The following PPP1R13B variants were observed in gnomAD, a reference collection of about 807,000 sequenced individuals.
PPP1R13B encodes the protein apoptosis-stimulating of p53 protein 1.
In PPP1R13B, 44 loss-of-function variants were observed where a neutral mutation model predicts 119.8. The ratio of observed to expected loss-of-function variants is 0.37; its 90% confidence interval spans 0.29 to 0.47. The LOEUF is 0.47. PPP1R13B is among the 20% of genes least tolerant of loss of function. The pLI is 0.99. For missense variants in PPP1R13B, 1,227 were observed against 1,413.5 expected, an observed-to-expected ratio of 0.87 and a Z score of 2.12; for synonymous variants, 542 against 561.5, an observed-to-expected ratio of 0.97 and a Z score of 0.49.
At chr14:103,829,327 T>C (rs1319413080) in intron 1 of PPP1R13B, among the ~76,000 whole-genome samples, 1 of 152,238 alleles carries the variant, frequency 6.6e-6, no homozygotes, top group East Asian at 1.9e-4. Flanking sequence ...TCTTCACCTG[T>C]GAAAACTTGC....
intron 1 of PPP1R13B, among the ~76,000 whole-genome samples, chr14:103,838,929 C>T (rs552567685): frequency 3.9e-5 from 6 of 152,340 alleles, no homozygotes; most frequent in African/African-American, 1.4e-4. Context: ...ACAGTAAAGT[C>T]ACCTAGGCAA....
In PPP1R13B at chr14:103,823,833, A is replaced by T. The variant is rs1381599184; in HGVS notation, c.9+23466T>A. 7.4e-5 allele frequency among the ~76,000 whole-genome samples: 9 copies of T among 122,414 alleles called. 1 individual carries two copies. Among genetic ancestry groups the T allele is most frequent in the Admixed American group, 7.0e-4 (9 of 12,890 alleles). The allele number at this position is 122,414 out of a possible 152,430, so 80.3% of individuals were successfully genotyped here. ...TTACAAATTAATATACATACACTTT[A>T]AAAAAAAAAGTCAACCAATAGAGGA... On this transcript the variant is annotated intron_variant, in intron 1 of 16. Transcript: ENST00000202556.
At chr14:103,831,373 G>A (rs1028301184) in intron 1 of PPP1R13B, among the ~76,000 whole-genome samples, 1 of 148,244 alleles carries the variant, frequency 6.7e-6, no homozygotes, top group South Asian at 2.1e-4. Flanking sequence ...GCAGTGGTGC[G>A]ATCTCAGCTC....
intron 1 of PPP1R13B, among the ~76,000 whole-genome samples, chr14:103,835,744 G>A (rs912829292): frequency 2.6e-5 from 4 of 151,846 alleles, no homozygotes; most frequent in Admixed American, 6.6e-5. Flanking sequence ...AAGTAGCTGG[G>A]ATTACAGGCG....
chr14:103,841,519 G>T (rs1050747681), intron 1 of PPP1R13B, among the ~76,000 whole-genome samples: 23 of 151,666 alleles, frequency 1.5e-4, no homozygotes, highest in Non-Finnish European at 5.9e-5. Context: ...GAGCCCTGTA[G>T]GCAGAGATGG....
At chr14:103,825,244 G>C (rs375377706) in intron 1 of PPP1R13B, among the ~76,000 whole-genome samples, 3 of 151,948 alleles carry the variant, frequency 2.0e-5, no homozygotes, top group Non-Finnish European at 4.4e-5. Flanking sequence ...TCCCTTTCTC[G>C]AGCCTCCCTA....
At position 103,780,009 on chromosome 14, in the gene PPP1R13B, C is replaced by A. The variant is rs181482073; in HGVS notation, c.278-1188G>T. 3.0e-3 allele frequency among the ~76,000 whole-genome samples: 463 copies of A among 151,948 alleles called. 2 individuals are homozygous for A. The highest frequency in any genetic ancestry group is 0.011 in the African/African-American group (449 of 41,440). ...AGTAAAATTACAAAAATTACCCAGGCGTGGTGGTGCACACCTGTAATCCCA... is the reference window on the plus strand; with the variant it reads ...AGTAAAATTACAAAAATTACCCAGGAGTGGTGGTGCACACCTGTAATCCCA... On this transcript the variant is annotated intron_variant, in intron 3 of 16. Transcript: ENST00000202556.
At chr14:103,800,858 T>C (rs886507629) in intron 1 of PPP1R13B, among the ~76,000 whole-genome samples, 5 of 152,186 alleles carry the variant, frequency 3.3e-5, no homozygotes, top group African/African-American at 9.6e-5. Flanking sequence ...TTTTTTCTTC[T>C]TCTTTTTTTG....
At chr14:103,844,314 G>A (rs572771124) in intron 1 of PPP1R13B, among the ~76,000 whole-genome samples, 5 of 151,808 alleles carry the variant, frequency 3.3e-5, no homozygotes, top group Non-Finnish European at 5.9e-5. Flanking sequence ...CACTTTGTAC[G>A]ACAGCAAATA....
At chr14:103,839,893 G>C (rs2086864184) in intron 1 of PPP1R13B, among the ~76,000 whole-genome samples, 1 of 152,170 alleles carries the variant, frequency 6.6e-6, no homozygotes, top group South Asian at 2.1e-4. Context: ...TAAAACCTCA[G>C]TTAACATTTT....
chr14:103,836,717 C>T (rs2152083214), intron 1 of PPP1R13B, among the ~76,000 whole-genome samples: 1 of 151,110 alleles, frequency 6.6e-6, no homozygotes, highest in Non-Finnish European at 1.5e-5. Context: ...TTGCAGTGAG[C>T]CAAGATAGCG....
At chr14:103,755,110 C>A (rs945102989) in intron 5 of PPP1R13B, among the ~76,000 whole-genome samples, 1 of 151,896 alleles carries the variant, frequency 6.6e-6, no homozygotes, top group African/African-American at 2.4e-5. Context: ...CTCATCTACA[C>A]CAGTTAATAT....
chr14:103,807,639 T>C, intron 1 of PPP1R13B, among the ~76,000 whole-genome samples: 1 of 152,012 alleles, frequency 6.6e-6, no homozygotes, highest in East Asian at 1.9e-4. Context: ...GGACAAAAAG[T>C]GCCTGCCACC....
At chr14:103,812,059 C>CAAAA (rs557000296) in intron 1 of PPP1R13B, among the ~76,000 whole-genome samples, 1 of 57,560 alleles carries the variant, frequency 1.7e-5, no homozygotes, top group Non-Finnish European at 3.0e-5. Flanking sequence ...GACTCCCCCT[C>CAAAA]AAAAAAAAAA....
chr14:103,770,652 G>A (rs530996549), intron 4 of PPP1R13B, among the ~76,000 whole-genome samples: 62 of 152,180 alleles, frequency 4.1e-4, no homozygotes, highest in African/African-American at 1.3e-3. Flanking sequence ...AACAGAAAAC[G>A]CATCCCATGC....
intron 4 of PPP1R13B, among the ~76,000 whole-genome samples, chr14:103,765,675 A>G (rs1045090575): frequency 2.0e-5 from 3 of 152,256 alleles, no homozygotes; most frequent in Middle Eastern, 3.4e-3. Flanking sequence ...CGCTGCCCAC[A>G]GTGCCCTTCC....
chr14:103,801,864 C>T (rs547095914), intron 1 of PPP1R13B, among the ~76,000 whole-genome samples: 24 of 152,296 alleles, frequency 1.6e-4, no homozygotes, highest in African/African-American at 5.5e-4. Flanking sequence ...AATAAACAAG[C>T]ATCATCCCTC....
intron 4 of PPP1R13B, chr14:103,762,670 G>GA (rs1567103731): frequency 1.9e-6 from 1 of 534,876 alleles, no homozygotes; most frequent in Non-Finnish European, 3.4e-6. Flanking sequence ...CTGGAAGCCT[G>GA]AAAAACGGGA....
chr14:103,847,404 C>G lies in PPP1R13B; in HGVS notation c.-97G>C, dbSNP rs2087077222. The G allele has an allele frequency of 6.7e-6, 7 of 1,044,924 alleles. No homozygotes were observed. In the South Asian group the frequency reaches 2.5e-4, roughly 38 times the overall value. The allele number at this position is 1,044,924 out of a possible 1,614,324, so 64.7% of individuals were successfully genotyped here. A position where few individuals can be genotyped will look rare whatever the true frequency, so the allele number is the denominator to read the frequency against. ...CCGGCCGCCTCCTAAGGCCGCGCTC[C>G]CGCCGCCGTGCTCTCCGGCCCGGCC... On this transcript the variant is annotated 5_prime_UTR_variant, in exon 1 of 17. Coordinates refer to ENST00000202556, the MANE Select transcript of PPP1R13B (RefSeq NM_015316.3).
Sources: gnomAD v4.1 joint callset for allele counts (sites outside exome capture counted in the v4.1 genomes callset) on GRCh38, gnomAD v4.1.1 for gene constraint, MANE v1.5 for transcripts, NCBI Gene and HGNC (gene_info 2026-07-23, HGNC 2026-07-21) for gene names.